PLXNC1: variants seen among roughly 807,000 people sequenced by gnomAD.
PLXNC1 encodes plexin C1, also known as plexin-C1.
PLXNC1 carries 75 observed loss-of-function variants against 178.2 expected under a neutral mutation model. The observed-to-expected ratio is 0.42, with a 90% CI of 0.35 to 0.51. The LOEUF is 0.51. PLXNC1 is among the 20% of genes least tolerant of loss of function. The probability of loss-of-function intolerance (pLI) is 0.02; values close to 1 mark genes in which losing one functional copy is unlikely to be tolerated. For synonymous variants in PLXNC1, 790 were observed against 779.9 expected, an observed-to-expected ratio of 1.01 and a Z score of -0.22; for missense variants, 1,503 against 1,984.4, an observed-to-expected ratio of 0.76 and a Z score of 4.61.
At chr12:94,267,442 G>A (rs57244134) in intron 21 of PLXNC1, among the ~76,000 whole-genome samples, 6,480 of 152,306 alleles carry the variant, frequency 0.043, 215 homozygotes, top group African/African-American at 0.088. Context: ...GATGCTGAAG[G>A]AATTCATGTC....
At position 94,195,134 on chromosome 12, in the gene PLXNC1, C is replaced by T. The variant is rs140307078; in HGVS notation, c.1439+8661C>T. 1.8e-3 allele frequency among the ~76,000 whole-genome samples: 279 copies of T among 152,134 alleles called. 1 individual carries two copies. Among genetic ancestry groups the T allele is most frequent in the African/African-American group, 5.8e-3 (241 of 41,488 alleles). On this transcript the variant is annotated intron_variant, in intron 4 of 30. Transcript: ENST00000258526. ...GGGCTCTCAGGGTGGACCTTACTAG[C>T]GGGTGCTGGGAACTCATGACAGGGT...
chr12:94,265,369 A>T (rs979898469), intron 21 of PLXNC1, 144 bp downstream of exon 21: 30 of 665,758 alleles, frequency 4.5e-5, no homozygotes, highest in African/African-American at 4.4e-4. Context: ...ACAGTAGTTG[A>T]TAAAACTGTT....
chr12:94,275,457 T>G (rs947866750), intron 21 of PLXNC1, among the ~76,000 whole-genome samples: 3 of 152,186 alleles, frequency 2.0e-5, no homozygotes, highest in African/African-American at 7.2e-5. Context: ...CACAGGCATC[T>G]GCTCCCCATC....
chr12:94,207,416 T>C (rs1963333116), intron 4 of PLXNC1, among the ~76,000 whole-genome samples: 1 of 152,186 alleles, frequency 6.6e-6, no homozygotes, highest in African/African-American at 2.4e-5. Context: ...TTGCTTGTTT[T>C]AAAAATAGTC....
chr12:94,251,362 A>G (rs1964681489), intron 14 of PLXNC1, 64 bp from the exon 15 acceptor site: 1 of 950,990 alleles, frequency 1.1e-6, no homozygotes, highest in African/African-American at 1.6e-5. Flanking sequence ...TTTAGGGGGG[A>G]AATTATGTAA....
chr12:94,265,893 T>G (rs1404350178), intron 21 of PLXNC1, among the ~76,000 whole-genome samples: 1 of 152,146 alleles, frequency 6.6e-6, no homozygotes, highest in African/African-American at 2.4e-5. Flanking sequence ...AAGCCCAGTT[T>G]GGGGCACATT....
intron 4 of PLXNC1, 120 bp downstream of exon 4, chr12:94,186,593 G>A (rs1032121616): frequency 6.0e-6 from 4 of 670,414 alleles, no homozygotes; most frequent in South Asian, 3.3e-5. Flanking sequence ...TCTCTTCCTC[G>A]ACTAAAATCT....
chr12:94,183,147 T>C (rs1177041167), intron 3 of PLXNC1, among the ~76,000 whole-genome samples: 2 of 152,238 alleles, frequency 1.3e-5, no homozygotes, highest in East Asian at 1.9e-4. Flanking sequence ...TTTTCCATTC[T>C]TTTCCTTTCA....
intron 21 of PLXNC1, among the ~76,000 whole-genome samples, chr12:94,274,560 A>G (rs1474402749): frequency 6.6e-6 from 1 of 152,190 alleles, no homozygotes; most frequent in African/African-American, 2.4e-5. Flanking sequence ...CTGCCAAGGA[A>G]ATAGGAAGAG....
intron 3 of PLXNC1, among the ~76,000 whole-genome samples, chr12:94,183,647 A>G (rs1962406648): frequency 6.6e-6 from 1 of 152,238 alleles, no homozygotes; most frequent in South Asian, 2.1e-4. Context: ...TATTGCAAAT[A>G]GCTCATAAGC....
chr12:94,229,842 C>T (rs561604284), intron 9 of PLXNC1, among the ~76,000 whole-genome samples: 1 of 152,284 alleles, frequency 6.6e-6, no homozygotes, highest in African/African-American at 2.4e-5. Flanking sequence ...AATTCTTCAA[C>T]TTTGTTCTTC....
intron 1 of PLXNC1, among the ~76,000 whole-genome samples, chr12:94,167,809 T>C (rs1239305972): frequency 6.6e-6 from 1 of 152,252 alleles, no homozygotes; most frequent in Non-Finnish European, 1.5e-5. Flanking sequence ...ATAGAATATT[T>C]TATGCAAAAA....
chr12:94,167,865 C>T (rs1483523216), intron 1 of PLXNC1: 6 of 152,178 alleles, frequency 3.9e-5, no homozygotes, highest in Non-Finnish European at 7.3e-5. Flanking sequence ...GAAAAGTGAT[C>T]AGGGCATTGG....
rs1394949083 is a variant in PLXNC1, at chr12:94,149,008, C to A, written c.37C>A (p.Pro13Thr). ...VSRRKAPPRP[P>T]RPAAPLPLLA... is the part of the protein sequence containing the mutation. Reference sequence around the variant, plus strand: ...CCGGAGGAAGGCGCCGCCGCGCCCCCCGCGCCCCGCAGCGCCACTGCCCCT... The same window carrying A: ...CCGGAGGAAGGCGCCGCCGCGCCCCACGCGCCCCGCAGCGCCACTGCCCCT... Residue 13 changes from proline to threonine, a missense_variant, in exon 1 of 31, where the codon CCG (proline) becomes ACG (threonine). Physicochemically the swap from Pro to Thr is conservative, Grantham distance 38. Coordinates refer to ENST00000258526, the MANE Select transcript of PLXNC1 (RefSeq NM_005761.3). 6.8e-7 allele frequency: 1 copy of A among 1,467,946 alleles called. No homozygotes were observed. The highest frequency in any genetic ancestry group is 2.9e-5 in the East Asian group (1 of 34,446). The allele number at this position is 1,467,946 out of a possible 1,614,324, so 90.9% of individuals were successfully genotyped here.
chr12:94,278,114 T>G (rs781632811), intron 21 of PLXNC1: 3 of 450,298 alleles, frequency 6.7e-6, no homozygotes, highest in South Asian at 3.1e-5. Flanking sequence ...CTCCCTTCCT[T>G]CTTGCCTGTT....
intron 12 of PLXNC1, among the ~76,000 whole-genome samples, chr12:94,247,407 C>T (rs527526341): frequency 6.6e-6 from 1 of 152,182 alleles, no homozygotes; most frequent in East Asian, 1.9e-4. Context: ...GCAGGAGGTT[C>T]CCCCAACAAA....
intron 21 of PLXNC1, among the ~76,000 whole-genome samples, chr12:94,278,951 T>C (rs536803991): frequency 2.6e-5 from 4 of 151,734 alleles, no homozygotes; most frequent in East Asian, 1.9e-4. Flanking sequence ...TGAGCCAAGA[T>C]AGCACCATTG....
At chr12:94,248,777 A>G (rs1964599852) in intron 14 of PLXNC1, among the ~76,000 whole-genome samples, 1 of 152,198 alleles carries the variant, frequency 6.6e-6, no homozygotes, top group Non-Finnish European at 1.5e-5. Flanking sequence ...TCTTAGCAGA[A>G]ACCCAAAACA....
chr12:94,248,911 A>T (rs1214521254), intron 14 of PLXNC1, among the ~76,000 whole-genome samples: 4 of 152,128 alleles, frequency 2.6e-5, no homozygotes, highest in Non-Finnish European at 4.4e-5. Flanking sequence ...CTTTTCCCAG[A>T]TATGTTTGGG....
Sources: allele counts gnomAD v4.1 joint callset (sites outside exome capture counted in the v4.1 genomes callset), GRCh38; gene constraint gnomAD v4.1.1; transcripts MANE v1.5; gene names NCBI Gene and HGNC (gene_info 2026-07-23, HGNC 2026-07-21).